Variants in CENPW observed in about 807,000 individuals in gnomAD.
CENPW encodes the protein centromere protein W.
A neutral mutation model predicts 11.1 loss-of-function variants in CENPW; 3 were observed. That is an observed-to-expected ratio of 0.27 (90% CI 0.12 to 0.70). CENPW has a LOEUF of 0.70. CENPW is among the 30% of genes least tolerant of loss of function. CENPW has a pLI of 0.77. For missense variants in CENPW, 100 were observed against 105.6 expected (o/e 0.95, Z 0.23); for synonymous variants, 38 against 42.0 (o/e 0.91, Z 0.37).
the CENPW span, among the ~76,000 whole-genome samples, chr6:126,426,812 TAC>T: frequency 6.6e-6 from 1 of 152,196 alleles, no homozygotes; most frequent in Admixed American, 6.5e-5. Context: ...GTCACACTTT[TAC>T]AGTTTTGCTA....
chr6:126,347,329 TC>T, intron 2 of CENPW, among the ~76,000 whole-genome samples: 1 of 152,298 alleles, frequency 6.6e-6, no homozygotes, highest in Non-Finnish European at 1.5e-5. Flanking sequence ...AGTTTAGAGT[TC>T]CCATGTACCC....
the CENPW span, among the ~76,000 whole-genome samples, chr6:126,436,467 T>A: frequency 6.6e-6 from 1 of 151,830 alleles, no homozygotes; most frequent in African/African-American, 2.4e-5. Context: ...TGGACACAAC[T>A]CTACTTATTA....
At chr6:126,377,133 C>G in the CENPW span, among the ~76,000 whole-genome samples, 1 of 152,064 alleles carries the variant, frequency 6.6e-6, no homozygotes, top group Non-Finnish European at 1.5e-5. Context: ...TTGGGGAGAG[C>G]TAGAGAGTCC....
At chr6:126,357,063 TAC>T in the CENPW span, among the ~76,000 whole-genome samples, 1 of 152,222 alleles carries the variant, frequency 6.6e-6, no homozygotes, top group Non-Finnish European at 1.5e-5. Context: ...CTATGATTCT[TAC>T]AGTTTTAGAT....
chr6:126,349,191 A>G (rs1418575108), downstream of CENPW, among the ~76,000 whole-genome samples: 4 of 152,112 alleles, frequency 2.6e-5, no homozygotes, highest in Non-Finnish European at 5.9e-5. Context: ...AGAAATAATT[A>G]TAGATTTCAA....
chr6:126,419,693 C>G, the CENPW span, among the ~76,000 whole-genome samples: 3 of 152,132 alleles, frequency 2.0e-5, no homozygotes, highest in Non-Finnish European at 4.4e-5. Context: ...CTGGGCTGTG[C>G]TTCCTCTGCA....
the CENPW span, among the ~76,000 whole-genome samples, chr6:126,431,804 C>T: frequency 1.1e-4 from 17 of 152,026 alleles, no homozygotes; most frequent in South Asian, 2.1e-4. Context: ...CGGTGGCTCA[C>T]GCCTGTAGTC....
chr6:126,341,331 T>C (rs369577433), intron 1 of CENPW, among the ~76,000 whole-genome samples: 284 of 152,264 alleles, frequency 1.9e-3, no homozygotes, highest in Middle Eastern at 6.8e-3. Flanking sequence ...AGGTACAGAA[T>C]TGTGGATAAT....
At chr6:126,388,668 G>T in the CENPW span, among the ~76,000 whole-genome samples, 27 of 152,046 alleles carry the variant, frequency 1.8e-4, no homozygotes, top group African/African-American at 5.8e-4. Context: ...GTACTTGGAG[G>T]CCATTATAGT....
the CENPW span, among the ~76,000 whole-genome samples, chr6:126,372,892 C>T: frequency 6.6e-6 from 1 of 152,168 alleles, no homozygotes; most frequent in Non-Finnish European, 1.5e-5. Context: ...AATATAGATT[C>T]TATGCCCTGG....
the CENPW span, among the ~76,000 whole-genome samples, chr6:126,360,695 C>G: frequency 1.3e-5 from 2 of 151,308 alleles, no homozygotes; most frequent in African/African-American, 4.8e-5. Flanking sequence ...TTTTTTCCCC[C>G]CAACTTGGTC....
the CENPW span, among the ~76,000 whole-genome samples, chr6:126,428,737 G>A: frequency 6.6e-6 from 1 of 152,102 alleles, no homozygotes; most frequent in African/African-American, 2.4e-5. Flanking sequence ...CCACTATAAA[G>A]TACTTTGCTC....
the CENPW span, among the ~76,000 whole-genome samples, chr6:126,436,824 A>G: frequency 2.0e-5 from 3 of 152,026 alleles, no homozygotes; most frequent in East Asian, 1.9e-4. Flanking sequence ...CAGATATGCC[A>G]TCTGATTTCT....
At chr6:126,413,479 A>G in the CENPW span, among the ~76,000 whole-genome samples, 1 of 152,174 alleles carries the variant, frequency 6.6e-6, no homozygotes, top group African/African-American at 2.4e-5. Context: ...TATAATACTT[A>G]GAAAAGCCAT....
chr6:126,375,500 G>C, the CENPW span, among the ~76,000 whole-genome samples: 1 of 152,228 alleles, frequency 6.6e-6, no homozygotes, highest in East Asian at 1.9e-4. Flanking sequence ...ACCTGGATTA[G>C]GTAAAGTGGT....
At chr6:126,432,712 C>A in the CENPW span, among the ~76,000 whole-genome samples, 1 of 152,184 alleles carries the variant, frequency 6.6e-6, no homozygotes, top group Non-Finnish European at 1.5e-5. Flanking sequence ...ATGCCTCTCA[C>A]TCAGATAAAC....
At chr6:126,379,192 AT>A in the CENPW span, among the ~76,000 whole-genome samples, 1 of 152,180 alleles carries the variant, frequency 6.6e-6, no homozygotes, top group Non-Finnish European at 1.5e-5. Context: ...TCTGTGAGGA[AT>A]GTGTCTTATA....
the CENPW span, among the ~76,000 whole-genome samples, chr6:126,432,841 C>A: frequency 6.6e-6 from 1 of 152,226 alleles, no homozygotes; most frequent in Non-Finnish European, 1.5e-5. Context: ...CAAACATAGT[C>A]ATTGCCCTAA....
the CENPW span, among the ~76,000 whole-genome samples, chr6:126,437,914 G>A: frequency 3.7e-4 from 56 of 151,716 alleles, no homozygotes; most frequent in East Asian, 3.1e-3. Context: ...TTAAGCAGCC[G>A]TATAGCGCTG....
Sources: gnomAD v4.1 joint callset for allele counts (sites outside exome capture counted in the v4.1 genomes callset) on GRCh38, gnomAD v4.1.1 for gene constraint, MANE v1.5 for transcripts, NCBI Gene and HGNC (gene_info 2026-07-23, HGNC 2026-07-21) for gene names.